Variants in SHC3 observed in about 807,000 individuals in gnomAD.
SHC3 encodes SHC-transforming protein 3.
A neutral mutation model predicts 60.4 loss-of-function variants in SHC3; 15 were observed. The ratio of observed to expected loss-of-function variants is 0.25; its 90% CI spans 0.17 to 0.38. SHC3 has a LOEUF of 0.38. Among genes scored for constraint, SHC3 ranks in the 10% least tolerant of loss-of-function variants. The pLI, the probability that SHC3 is intolerant of heterozygous loss-of-function variation, is 1.00. For synonymous variants in SHC3, 294 were observed against 325.9 expected, an observed-to-expected ratio of 0.90 and a Z score of 1.05; for missense variants, 677 against 786.1, an observed-to-expected ratio of 0.86 and a Z score of 1.66.
intron 11 of SHC3, among the ~76,000 whole-genome samples, chr9:89,024,983 C>T (rs577986951): frequency 9.2e-5 from 14 of 152,280 alleles, no homozygotes; most frequent in East Asian, 3.9e-4. Flanking sequence ...CCACTGCAGA[C>T]GCCATGGGCT....
At chr9:89,174,756 G>T (rs1826918427) in intron 1 of SHC3, among the ~76,000 whole-genome samples, 1 of 152,192 alleles carries the variant, frequency 6.6e-6, no homozygotes, top group South Asian at 2.1e-4. Flanking sequence ...CTCCAGCCTC[G>T]CCCCTCCAGC....
chr9:89,160,059 C>T (rs1035153007), intron 1 of SHC3, among the ~76,000 whole-genome samples: 3 of 152,222 alleles, frequency 2.0e-5, no homozygotes, highest in Admixed American at 6.5e-5. Context: ...GGGAGGACTT[C>T]GCACAGACCC....
intron 11 of SHC3, among the ~76,000 whole-genome samples, chr9:89,037,065 A>G (rs1422981708): frequency 6.6e-6 from 1 of 151,894 alleles, no homozygotes; most frequent in Non-Finnish European, 1.5e-5. Flanking sequence ...ACTGGCTGGA[A>G]GTGGGAAGTG....
At position 89,009,381 on chromosome 9, in the gene SHC3, A is replaced by T. The variant is rs1825985585; in HGVS notation, c.*4066T>A. On this transcript the variant is annotated 3_prime_UTR_variant, in exon 12 of 12. Coordinates refer to ENST00000375835, the MANE Select transcript of SHC3 (RefSeq NM_016848.6). ...TGAGTCCTGCAATGACCTCTTTGCA[A>T]TCTTTCCACAATCTTCCCACTCACT... The T allele has an allele frequency of 6.6e-6, 1 of 152,204 alleles. No homozygotes were observed. The allele number at this position is 152,204 out of a possible 1,614,324, so 9.4% of individuals were successfully genotyped here.
intron 2 of SHC3, among the ~76,000 whole-genome samples, chr9:89,102,783 T>C (rs945849349): frequency 6.6e-6 from 1 of 152,214 alleles, no homozygotes; most frequent in Non-Finnish European, 1.5e-5. Context: ...TCACTTAAAG[T>C]TGCAGTTTCC....
At chr9:89,032,561 C>T (rs1362657841) in intron 11 of SHC3, among the ~76,000 whole-genome samples, 5 of 152,164 alleles carry the variant, frequency 3.3e-5, no homozygotes, top group Admixed American at 3.3e-4. Context: ...GTAAAGTGTT[C>T]CAGACTCCAT....
At chr9:89,097,362 C>G (rs1029161397) in intron 2 of SHC3, among the ~76,000 whole-genome samples, 4 of 152,126 alleles carry the variant, frequency 2.6e-5, no homozygotes, top group Non-Finnish European at 4.4e-5. Flanking sequence ...AGGTTATAAG[C>G]AGTAAAATGA....
In SHC3 at chr9:89,103,346, G is replaced by C. The variant is rs1015035977; in HGVS notation, c.545+9210C>G. 9.8e-5 allele frequency among the ~76,000 whole-genome samples: 15 copies of C among 152,310 alleles called. 2 individuals are homozygous for C. The highest frequency in any genetic ancestry group is 8.5e-4 in the Admixed American group (13 of 15,304). ...ACCAACTCCAAGCTTTTGAGTTTGG[G>C]AGACCACGTGGATTGCAGTTACAAG... On this transcript the variant is annotated intron_variant, in intron 2 of 11. Coordinates refer to ENST00000375835, the MANE Select transcript of SHC3 (RefSeq NM_016848.6).
At chr9:89,019,086 A>C (rs193283926) in intron 11 of SHC3, among the ~76,000 whole-genome samples, 1 of 151,844 alleles carries the variant, frequency 6.6e-6, no homozygotes, top group South Asian at 2.1e-4. Context: ...AAGAATATCT[A>C]CAAAAAAACC....
chr9:89,142,661 G>A (rs1409654092), intron 1 of SHC3, among the ~76,000 whole-genome samples: 2 of 142,254 alleles, frequency 1.4e-5, no homozygotes, highest in Non-Finnish European at 3.0e-5. Flanking sequence ...GGGCGACAGA[G>A]TGAGACTCTG....
intron 2 of SHC3, among the ~76,000 whole-genome samples, chr9:89,095,288 T>C (rs1266183052): frequency 2.0e-5 from 3 of 152,180 alleles, no homozygotes; most frequent in Non-Finnish European, 4.4e-5. Context: ...AGGAAGGAAA[T>C]TCTGACACGT....
At chr9:89,173,492 G>A (rs1826899134) in intron 1 of SHC3, among the ~76,000 whole-genome samples, 1 of 152,232 alleles carries the variant, frequency 6.6e-6, no homozygotes, top group African/African-American at 2.4e-5. Context: ...TGGAAGTTTT[G>A]TCGTAGCTTA....
intron 1 of SHC3, among the ~76,000 whole-genome samples, chr9:89,140,064 A>G (rs1423062262): frequency 1.3e-5 from 2 of 152,234 alleles, no homozygotes; most frequent in African/African-American, 4.8e-5. Flanking sequence ...AGAGTACTAA[A>G]GTCACATGAA....
Position 89,164,090 on chromosome 9 carries a change from T to C in SHC3, c.474+13897A>G, listed in dbSNP as rs536856138. ...ATTCTGGGAGGACACAGACACTCAG[T>C]CCATAACATATCACATATCAAAATT... On this transcript the variant is annotated intron_variant, in intron 1 of 11. Coordinates refer to ENST00000375835, the MANE Select transcript of SHC3 (RefSeq NM_016848.6). 2.0e-5 allele frequency among the ~76,000 whole-genome samples: 3 copies of C among 152,244 alleles called. No homozygotes were observed. In the South Asian group the frequency reaches 6.2e-4, roughly 32 times the overall value.
chr9:89,177,466 A>G (rs1244385277), intron 1 of SHC3, among the ~76,000 whole-genome samples: 1 of 152,228 alleles, frequency 6.6e-6, no homozygotes, highest in Non-Finnish European at 1.5e-5. Flanking sequence ...CCCGTCGAAG[A>G]GAAAGCAGCA....
chr9:89,087,471 G>T (rs1003840546), intron 2 of SHC3, among the ~76,000 whole-genome samples: 1 of 152,086 alleles, frequency 6.6e-6, no homozygotes, highest in African/African-American at 2.4e-5. Flanking sequence ...CCTGCTCTTG[G>T]GGTGCCTGCA....
At chr9:89,029,509 G>A (rs865830490) in intron 11 of SHC3, among the ~76,000 whole-genome samples, 19 of 152,158 alleles carry the variant, frequency 1.2e-4, no homozygotes, top group Admixed American at 6.5e-4. Flanking sequence ...TTATGCTCAT[G>A]CACCTCTTCC....
At chr9:89,160,776 C>T (rs921481572) in intron 1 of SHC3, among the ~76,000 whole-genome samples, 1 of 152,204 alleles carries the variant, frequency 6.6e-6, no homozygotes, top group African/African-American at 2.4e-5. Flanking sequence ...CAGGAGAACA[C>T]AGAATTCAAG....
chr9:89,132,248 C>T (rs1353524414), intron 1 of SHC3, among the ~76,000 whole-genome samples: 6 of 151,876 alleles, frequency 4.0e-5, no homozygotes, highest in South Asian at 2.1e-4. Context: ...CACTGCTCAT[C>T]GAAATAAAAG....
Sources: allele counts gnomAD v4.1 joint callset (sites outside exome capture counted in the v4.1 genomes callset), GRCh38; gene constraint gnomAD v4.1.1; transcripts MANE v1.5; gene names NCBI Gene and HGNC (gene_info 2026-07-23, HGNC 2026-07-21).